CYRIB: variants seen among roughly 807,000 people sequenced by gnomAD.
CYRIB encodes the protein CYFIP related Rac1 interactor B.
CYRIB carries 8 observed loss-of-function variants against 44.2 expected under a neutral mutation model. The observed-to-expected ratio is 0.18, with a 90% CI of 0.11 to 0.33. The LOEUF (loss-of-function observed/expected upper bound fraction) is 0.33. Among genes scored for constraint, CYRIB ranks in the 10% least tolerant of loss-of-function variants. The probability of loss-of-function intolerance (pLI) is 1.00; values close to 1 mark genes in which losing one functional copy is unlikely to be tolerated. For missense variants in CYRIB, 185 were observed against 382.8 expected (o/e 0.48, Z 4.31); for synonymous variants, 131 against 127.2 (o/e 1.03, Z -0.20).
rs1240374544 is a variant in CYRIB, at chr8:129,939,140, G to GGCGAA, written c.-50+463_-50+467dup. On this transcript the variant is annotated intron_variant, in intron 1 of 11. Coordinates refer to ENST00000519824, the Ensembl canonical transcript of CYRIB. ...AGGGCTGGGTGTCGAGGCGAGGCGA[G>GGCGAA]GCGAAGCCCGGGGGATAAGGGGGTG... 7.2e-5 allele frequency among the ~76,000 whole-genome samples: 11 copies of GGCGAA among 152,252 alleles called. No individual in the cohort carries two copies. In the East Asian group the frequency reaches 2.1e-3, roughly 29 times the overall value.
At chr8:129,886,922 C>A (rs2134384454) in intron 2 of CYRIB, among the ~76,000 whole-genome samples, 1 of 152,288 alleles carries the variant, frequency 6.6e-6, no homozygotes, top group East Asian at 1.9e-4. Context: ...AGAGGCAAAG[C>A]ACTCTTTTAA....
intron 1 of CYRIB, among the ~76,000 whole-genome samples, chr8:129,993,679 A>T (rs2096697202): frequency 6.6e-6 from 1 of 151,636 alleles, no homozygotes; most frequent in Admixed American, 6.6e-5. Context: ...CTTGGGCGAC[A>T]GAGTGAAACT....
At chr8:129,979,078 C>G (rs536370989) in intron 1 of CYRIB, among the ~76,000 whole-genome samples, 16 of 152,108 alleles carry the variant, frequency 1.1e-4, no homozygotes, top group Non-Finnish European at 2.1e-4. Flanking sequence ...GAGGCAGAGG[C>G]TGAAGTGAGC....
intron 1 of CYRIB, among the ~76,000 whole-genome samples, chr8:129,905,192 A>G (rs149392544): frequency 0.018 from 2,594 of 141,866 alleles, 61 homozygotes; most frequent in African/African-American, 0.055. Context: ...TCACTCTGTC[A>G]CCCAGGCTGG....
chr8:129,917,315 T>C lies in CYRIB; in HGVS notation c.-49-13965A>G, dbSNP rs563732933. ...CATTCTATTTCCTGAAGACCTCTAC[T>C]CACACAACCACTGAACTAGCAGTTC... On this transcript the variant is annotated intron_variant, in intron 1 of 11. Transcript: ENST00000519824. Among the ~76,000 whole-genome samples the C allele has an allele frequency of 4.6e-5, 7 of 152,300 alleles. No individual in the cohort carries two copies. The East Asian group carries it at 1.4e-3, about 29-fold the overall frequency.
chr8:129,961,137 C>T (rs1043448894), intron 2 of CYRIB, among the ~76,000 whole-genome samples: 24 of 152,142 alleles, frequency 1.6e-4, no homozygotes, highest in East Asian at 3.8e-4. Context: ...AAATAAGCCT[C>T]GGCTTCTTCC....
chr8:129,894,979 C>G (rs1167988281), intron 2 of CYRIB, among the ~76,000 whole-genome samples: 1 of 149,086 alleles, frequency 6.7e-6, no homozygotes, highest in African/African-American at 2.5e-5. Context: ...TCTTTTTCGC[C>G]CAGGCTGGAG....
At chr8:129,954,525 GT>G (rs35723289) in intron 2 of CYRIB, among the ~76,000 whole-genome samples, 94,991 of 151,968 alleles carry the variant, frequency 0.63, 30,051 homozygotes, top group Middle Eastern at 0.73. Flanking sequence ...GCCTGGCCTA[GT>G]TTTTTAATTT....
At chr8:129,951,222 T>A (rs1245259055) in intron 2 of CYRIB, among the ~76,000 whole-genome samples, 2 of 152,094 alleles carry the variant, frequency 1.3e-5, no homozygotes, top group Non-Finnish European at 2.9e-5. Flanking sequence ...GAGAATCACT[T>A]GAGCCTGGGA....
chr8:129,927,261 C>T (rs1458017472), intron 1 of CYRIB, among the ~76,000 whole-genome samples: 1 of 152,134 alleles, frequency 6.6e-6, no homozygotes, highest in Admixed American at 6.5e-5. Context: ...CACTGCACTC[C>T]AGCCTGGGCG....
chr8:129,935,945 T>C (rs2092718642), intron 1 of CYRIB, among the ~76,000 whole-genome samples: 1 of 152,212 alleles, frequency 6.6e-6, no homozygotes, highest in African/African-American at 2.4e-5. Context: ...CTAAGAATGA[T>C]TTCTTTGTTT....
exon 5 of CYRIB, chr8:129,862,269 T>C (rs1275363538): frequency 1.2e-6 from 2 of 1,613,804 alleles, no homozygotes; most frequent in Admixed American, 1.7e-5. Context: ...TTAATTTGCC[T>C]ACTAGTGGAA....
At chr8:129,877,901 G>A (rs1209127285) in intron 3 of CYRIB, among the ~76,000 whole-genome samples, 1 of 152,054 alleles carries the variant, frequency 6.6e-6, no homozygotes, top group Non-Finnish European at 1.5e-5. Flanking sequence ...GAGGAAAAGG[G>A]AGACAGAATA....
chr8:129,978,357 G>T (rs2096055702), intron 1 of CYRIB, among the ~76,000 whole-genome samples: 1 of 152,162 alleles, frequency 6.6e-6, no homozygotes, highest in Non-Finnish European at 1.5e-5. Context: ...TGGTTGTGGG[G>T]CAGGCTTCAC....
rs373187595 is a variant in CYRIB at position 129,862,509 on chromosome 8, T to G, written c.196-175A>C. ...TTTTTGAGAGAGCGTCTCACTCTGT[T>G]GCCCAGGCTGAAGTGCAGTGGCGTG... On this transcript the variant is annotated intron_variant, in intron 4 of 11. Transcript: ENST00000519824. 6.6e-5 allele frequency among the ~76,000 whole-genome samples: 10 copies of G among 152,184 alleles called. No individual in the cohort carries two copies. In the East Asian group the frequency reaches 1.4e-3, roughly 21 times the overall value.
chr8:129,841,122 T>A (rs1276276515), exon 12 of CYRIB: 3 of 152,026 alleles, frequency 2.0e-5, no homozygotes, highest in African/African-American at 2.4e-5. Flanking sequence ...TTATAATCAC[T>A]CTCTTCCCAT....
chr8:129,977,375 C>A (rs2095978952), intron 1 of CYRIB, among the ~76,000 whole-genome samples: 1 of 152,094 alleles, frequency 6.6e-6, no homozygotes, highest in African/African-American at 2.4e-5. Context: ...CCAAAGTCTG[C>A]CATGTCATGT....
chr8:129,950,611 AG>A (rs1181704183), intron 2 of CYRIB, among the ~76,000 whole-genome samples: 1 of 152,118 alleles, frequency 6.6e-6, no homozygotes, highest in Non-Finnish European at 1.5e-5. Flanking sequence ...ACTCATTGTC[AG>A]ATGTAAATTA....
intron 5 of CYRIB, among the ~76,000 whole-genome samples, chr8:129,860,639 T>A (rs1212135380): frequency 6.6e-6 from 1 of 152,158 alleles, no homozygotes; most frequent in African/African-American, 2.4e-5. Flanking sequence ...TACTTTTTTT[T>A]AAGAACATAG....
Sources: allele counts gnomAD v4.1 joint callset (sites outside exome capture counted in the v4.1 genomes callset), GRCh38; gene constraint gnomAD v4.1.1; transcripts MANE v1.5; gene names NCBI Gene and HGNC (gene_info 2026-07-23, HGNC 2026-07-21).